The following USP32 variants were observed in gnomAD, a reference collection of about 807,000 sequenced individuals.
USP32 encodes the protein ubiquitin carboxyl-terminal hydrolase 32.
In USP32, 59 loss-of-function variants were observed where a neutral mutation model predicts 204.8. That is an observed-to-expected ratio of 0.29 (90% CI 0.23 to 0.36). The LOEUF is 0.36. USP32 is among the 10% of genes least tolerant of loss of function. The probability of loss-of-function intolerance (pLI) is 1.00; values close to 1 mark genes in which losing one functional copy is unlikely to be tolerated. For synonymous variants in USP32, 517 were observed against 678.4 expected (o/e 0.76, Z 3.70); for missense variants, 1,160 against 1,946.4 (o/e 0.60, Z 7.60).
intron 32 of USP32, among the ~76,000 whole-genome samples, chr17:60,180,867 C>T (rs1211086429): frequency 2.7e-5 from 4 of 147,504 alleles, no homozygotes; most frequent in East Asian, 3.9e-4. Flanking sequence ...ATTGTAATTA[C>T]TATTATTATT....
At position 60,303,826 on chromosome 17, in the gene USP32, A is replaced by G. The variant is rs74588841; in HGVS notation, c.187-2122T>C. On this transcript the variant is annotated intron_variant, in intron 2 of 33. Transcript: ENST00000300896. ...GGAATGGCTCAAGAATAAACTCAAC[A>G]GAGTTGCATAAGAGATTATCCAAAA... Among the ~76,000 whole-genome samples, 168 of 152,322 alleles carry G rather than the reference A, an allele frequency of 1.1e-3. 1 individual carries two copies. Among genetic ancestry groups the G allele is most frequent in the African/African-American group, 3.1e-3 (128 of 41,586 alleles).
At chr17:60,354,370 G>T (rs567510962) in intron 1 of USP32, among the ~76,000 whole-genome samples, 3 of 152,224 alleles carry the variant, frequency 2.0e-5, no homozygotes, top group African/African-American at 7.2e-5. Context: ...TAACAGTTTG[G>T]TTCCAAAGGC....
intron 12 of USP32, among the ~76,000 whole-genome samples, chr17:60,229,206 A>AT (rs1387032128): frequency 6.6e-6 from 1 of 151,758 alleles, no homozygotes; most frequent in East Asian, 1.9e-4. Context: ...TGCCCAACTA[A>AT]TTTTTAAAGT....
rs1412151288 is a variant in USP32, at chr17:60,181,706, G to A, written c.4166C>T (p.Ser1389Phe). The change falls in exon 32 of 34, where the codon TCC becomes TTC. Residue 1389 changes from serine (S) to phenylalanine (F), a missense_variant. Around this residue, in one of 8 missense-constraint regions of USP32, gnomAD observed 244 missense variants for 342.3 expected, o/e 0.71. Transcript: ENST00000300896. ...SSRKSGTSCPSSKNSSPNSSP... is the reference protein window; with the variant it reads ...SSRKSGTSCPFSKNSSPNSSP... ...GCTATTAGGGCTGCTGTTTTTGCTG[G>A]AGGGACAGCTGGTTCCACTTTTTCT... The A allele has an allele frequency of 4.3e-6, 7 of 1,610,616 alleles. No homozygotes were observed. Among genetic ancestry groups the A allele is most frequent in the Non-Finnish European group, 5.1e-6 (6 of 1,178,492 alleles).
chr17:60,265,556 G>T, intron 8 of USP32, 82 bp from the exon 9 acceptor site: 1 of 955,676 alleles, frequency 1.0e-6, no homozygotes, highest in Non-Finnish European at 1.6e-6. Context: ...AGTATATTAA[G>T]CAAGATTTGT....
chr17:60,177,794 C>T lies in USP32; in HGVS notation c.*1461G>A, dbSNP rs565758119. Among the ~76,000 whole-genome samples, 21 of 152,148 alleles carry T rather than the reference C, an allele frequency of 1.4e-4. No homozygotes were observed. The highest frequency in any genetic ancestry group is 2.5e-4 in the Non-Finnish European group (17 of 68,000). On this transcript the variant is annotated 3_prime_UTR_variant, in exon 34 of 34. Transcript: ENST00000300896. Reference sequence around the variant, plus strand: ...GAACTAGATATTAATAGTTACTGGCCTCAGATATCAGAACACAAATACTTA... The same window carrying T: ...GAACTAGATATTAATAGTTACTGGCTTCAGATATCAGAACACAAATACTTA...
chr17:60,365,569 A>G (rs899311038), intron 1 of USP32, among the ~76,000 whole-genome samples: 11 of 152,152 alleles, frequency 7.2e-5, no homozygotes, highest in East Asian at 1.9e-4. Context: ...ATCTGTAACT[A>G]AAGAATTATC....
At chr17:60,413,871 AAAAAG>A (rs2090038379) in intron 1 of USP32, among the ~76,000 whole-genome samples, 2 of 146,926 alleles carry the variant, frequency 1.4e-5, no homozygotes, top group African/African-American at 5.2e-5. Flanking sequence ...CAAAAAAAAA[AAAAAG>A]AAAAAAAAAA....
chr17:60,236,584 G>C (rs1215055775), intron 11 of USP32, among the ~76,000 whole-genome samples: 1 of 152,132 alleles, frequency 6.6e-6, no homozygotes, highest in East Asian at 1.9e-4. Flanking sequence ...CAGCCTTATT[G>C]AGGAATAATT....
At chr17:60,266,655 A>AT (rs34028475) in intron 7 of USP32, among the ~76,000 whole-genome samples, 5,232 of 97,624 alleles carry the variant, frequency 0.054, 383 homozygotes, top group African/African-American at 0.18. Context: ...CACCCAGGTA[A>AT]TTTTTTTTTT....
intron 3 of USP32, among the ~76,000 whole-genome samples, chr17:60,297,598 G>A (rs1313051928): frequency 2.0e-5 from 3 of 151,648 alleles, no homozygotes; most frequent in Non-Finnish European, 4.4e-5. Flanking sequence ...ACAGTCACAC[G>A]CCCAGCTAAT....
chr17:60,388,466 C>G (rs1230708560), intron 1 of USP32, among the ~76,000 whole-genome samples: 5 of 152,220 alleles, frequency 3.3e-5, no homozygotes, highest in South Asian at 2.1e-4. Context: ...TTTCACCGAA[C>G]GGTTTTTGAA....
intron 12 of USP32, among the ~76,000 whole-genome samples, chr17:60,226,516 GTAAA>G (rs2085394406): frequency 6.6e-6 from 1 of 152,044 alleles, no homozygotes; most frequent in South Asian, 2.1e-4. Context: ...AACATTAAAA[GTAAA>G]TAAAGCTTAA....
intron 1 of USP32, among the ~76,000 whole-genome samples, chr17:60,413,047 GA>G (rs561928820): frequency 4.0e-5 from 6 of 150,536 alleles, no homozygotes; most frequent in Admixed American, 6.6e-5. Flanking sequence ...ATTGCTACAG[GA>G]AAAAAAAAGT....
chr17:60,196,318 A>G (rs2084516103), intron 27 of USP32, among the ~76,000 whole-genome samples: 1 of 150,906 alleles, frequency 6.6e-6, no homozygotes, highest in South Asian at 2.1e-4. Context: ...CTCTTTCCCT[A>G]TACTCCACAT....
At chr17:60,339,520 T>G (rs2088605837) in intron 2 of USP32, among the ~76,000 whole-genome samples, 1 of 150,710 alleles carries the variant, frequency 6.6e-6, no homozygotes, top group African/African-American at 2.5e-5. Flanking sequence ...GAGGCGGAGT[T>G]TGCAGTGAGC....
intron 16 of USP32, among the ~76,000 whole-genome samples, chr17:60,217,349 G>A (rs1329851212): frequency 1.3e-5 from 2 of 152,150 alleles, no homozygotes; most frequent in African/African-American, 2.4e-5. Context: ...AGAATAGAGT[G>A]CATGGCGCGA....
At chr17:60,255,870 A>G (rs1196128300) in intron 9 of USP32, among the ~76,000 whole-genome samples, 2 of 152,232 alleles carry the variant, frequency 1.3e-5, no homozygotes, top group Admixed American at 1.3e-4. Context: ...TGTTCTGGTA[A>G]CATTATTTGT....
intron 2 of USP32, among the ~76,000 whole-genome samples, chr17:60,331,344 C>G (rs1345511764): frequency 6.6e-6 from 1 of 151,290 alleles, no homozygotes; most frequent in South Asian, 2.1e-4. Flanking sequence ...GGCAGGCGGA[C>G]TGCTTGAGTC....
Sources: allele counts gnomAD v4.1 joint callset (sites outside exome capture counted in the v4.1 genomes callset), GRCh38; gene constraint gnomAD v4.1.1; regional missense constraint gnomAD v4.1.1; transcripts MANE v1.5; gene names NCBI Gene and HGNC (gene_info 2026-07-23, HGNC 2026-07-21).